Variants in MORN1 observed in about 807,000 individuals in gnomAD.
The protein encoded by MORN1 is MORN repeat-containing protein 1.
In MORN1, 67 loss-of-function variants were observed where a neutral mutation model predicts 61.9. That is an observed-to-expected ratio of 1.08 (90% CI 0.89 to 1.33). The LOEUF is 1.33. Ranked by LOEUF, MORN1 falls within the 40% of genes most tolerant of loss-of-function variation. The pLI is 0.00. For synonymous variants in MORN1, 301 were observed against 292.0 expected (o/e 1.03, Z -0.31); for missense variants, 752 against 691.2 (o/e 1.09, Z -0.99).
chr1:2,340,667 C>G (rs370637716), intron 10 of MORN1, among the ~76,000 whole-genome samples: 3 of 152,234 alleles, frequency 2.0e-5, no homozygotes, highest in Non-Finnish European at 4.4e-5. Context: ...ACCGGCTCCA[C>G]GTGGCCAGAG....
intron 7 of MORN1, among the ~76,000 whole-genome samples, chr1:2,373,226 A>C (rs934039466): frequency 6.6e-6 from 1 of 152,152 alleles, no homozygotes; most frequent in African/African-American, 2.4e-5. Flanking sequence ...CTGAGAGAAC[A>C]CCTGGGATCT....
chr1:2,346,398 T>A (rs1354902099), intron 10 of MORN1, among the ~76,000 whole-genome samples: 1 of 152,210 alleles, frequency 6.6e-6, no homozygotes, highest in African/African-American at 2.4e-5. Flanking sequence ...GTATATTTTA[T>A]TTTTTGAGAC....
At chr1:2,324,225 G>C (rs1640947896) in intron 12 of MORN1, 82 bp from the exon 13 acceptor site, 4 of 1,428,600 alleles carry the variant, frequency 2.8e-6, no homozygotes, top group Admixed American at 2.0e-5. Context: ...ACCAGGGCTA[G>C]TGGCTCCAGG....
At chr1:2,381,185 G>A (rs940135003) in intron 6 of MORN1, among the ~76,000 whole-genome samples, 2 of 152,248 alleles carry the variant, frequency 1.3e-5, no homozygotes, top group Admixed American at 6.5e-5. Context: ...CCTCTGAAGC[G>A]TGGTCTGGCA....
At chr1:2,342,141 G>A (rs1164739474) in intron 10 of MORN1, among the ~76,000 whole-genome samples, 4 of 152,282 alleles carry the variant, frequency 2.6e-5, no homozygotes, top group Non-Finnish European at 5.9e-5. Context: ...GACCTCGGGG[G>A]CCTCGGGAAC....
At position 2,336,772 on chromosome 1, in the gene MORN1, A is replaced by G. The variant is rs749413121; in HGVS notation, c.1115T>C (p.Leu372Pro). The change falls in exon 11 of 14, where the codon CTG becomes CCG. Residue 372 changes from leucine to proline, a missense_variant. Physicochemically the swap from Leu to Pro is moderately conservative, Grantham distance 98. Transcript: ENST00000378531. ...GTGGTACCCAGGCGGGGGCGGCCCC[A>G]GGAGGACATCTGTGAACTCGGCACA... ...QGCAEFTDVL[L>P]GPPPPGYHPF... 2 of 1,605,024 alleles carry G rather than the reference A, an allele frequency of 1.2e-6. No individual in the cohort carries two copies. The highest frequency in any genetic ancestry group is 4.5e-5 in the East Asian group (2 of 44,752).
intron 10 of MORN1, chr1:2,351,693 G>A (rs1450749434): frequency 2.7e-5 from 12 of 440,252 alleles, no homozygotes; most frequent in South Asian, 3.8e-5. Context: ...TGGTTGCTTC[G>A]CATTCTTTAG....
chr1:2,368,581 A>G (rs1642044337), intron 8 of MORN1, among the ~76,000 whole-genome samples: 1 of 152,062 alleles, frequency 6.6e-6, no homozygotes, highest in South Asian at 2.1e-4. Context: ...CTAGTCCTCA[A>G]TTTGGTCTTG....
At chr1:2,349,180 A>G (rs1641595726) in intron 10 of MORN1, among the ~76,000 whole-genome samples, 1 of 152,236 alleles carries the variant, frequency 6.6e-6, no homozygotes, top group Non-Finnish European at 1.5e-5. Context: ...GAATTGTTCC[A>G]GGCGGGAAGG....
chr1:2,367,908 C>T (rs59094876), intron 8 of MORN1, among the ~76,000 whole-genome samples: 12,746 of 152,144 alleles, frequency 0.084, 1,347 homozygotes, highest in African/African-American at 0.25. Context: ...GGATTACAGG[C>T]GTGAGCCACC....
At chr1:2,327,169 GAAAC>G (rs1450505989) in intron 12 of MORN1, among the ~76,000 whole-genome samples, 1 of 132,224 alleles carries the variant, frequency 7.6e-6, no homozygotes, top group Non-Finnish European at 1.6e-5. Flanking sequence ...CACACAGACA[GAAAC>G]AAACACAGAG....
At chr1:2,330,316 C>G (rs1191717950) in intron 12 of MORN1, among the ~76,000 whole-genome samples, 1 of 152,232 alleles carries the variant, frequency 6.6e-6, no homozygotes, top group South Asian at 2.1e-4. Context: ...CCATGTGTCT[C>G]CAGGCACCAG....
At chr1:2,387,213 C>T (rs575040000) in intron 4 of MORN1, 78 of 593,598 alleles carry the variant, frequency 1.3e-4, no homozygotes, top group East Asian at 6.7e-4. Flanking sequence ...CATCAAGCGC[C>T]GCAGGACCCG....
At chr1:2,387,326 C>A in intron 4 of MORN1, 93 bp downstream of exon 4, 1 of 903,474 alleles carries the variant, frequency 1.1e-6, no homozygotes, top group Non-Finnish European at 1.8e-6. Context: ...GTCAGGCAGG[C>A]CCTCTCAGAG....
chr1:2,353,270 C>A (rs531523669), intron 10 of MORN1, among the ~76,000 whole-genome samples: 4 of 152,260 alleles, frequency 2.6e-5, no homozygotes, highest in African/African-American at 9.6e-5. Context: ...TCCCTGGACA[C>A]GCTGGACAGC....
At chr1:2,391,389 G>C in intron 1 of MORN1, 69 bp downstream of exon 1, 1 of 1,246,050 alleles carries the variant, frequency 8.0e-7, no homozygotes, top group Non-Finnish European at 1.0e-6. Context: ...GGTCGAGGGC[G>C]TAGAGCGATC....
At chr1:2,385,144 C>T (rs12565955) in intron 5 of MORN1, 79 bp from the exon 6 acceptor site, 90,333 of 1,437,766 alleles carry the variant, frequency 0.063, 4,619 homozygotes, top group South Asian at 0.22. Context: ...CTCCTCCCAC[C>T]GGGCTCCGCA....
Position 2,336,812 on chromosome 1 carries a change from G to A in MORN1, c.1075C>T (p.Arg359Ter), listed in dbSNP as rs751333713. Reference protein sequence around the residue: ...HAPHCPGACQRVEQGCAEFTD... With the variant: ...HAPHCPGACQ ...AACTCGGCACAGCCCTGCTCCACTCGCTGACAGGCCCCGGGACAATGGGGC... is the reference window on the plus strand; with the variant it reads ...AACTCGGCACAGCCCTGCTCCACTCACTGACAGGCCCCGGGACAATGGGGC... Residue 359 changes from arginine to a stop codon, truncating the protein, a stop_gained, in exon 11 of 14, where the codon CGA becomes TGA. Coordinates refer to ENST00000378531, the MANE Select transcript of MORN1 (RefSeq NM_024848.3). LOFTEE classifies it high-confidence loss of function. 61 of 1,598,482 alleles carry A rather than the reference G, an allele frequency of 3.8e-5. No homozygotes were observed. The highest frequency in any genetic ancestry group is 3.5e-4 in the South Asian group (31 of 89,124).
At chr1:2,356,563 C>T (rs1264023086) in intron 10 of MORN1, among the ~76,000 whole-genome samples, 1 of 152,162 alleles carries the variant, frequency 6.6e-6, no homozygotes, top group Non-Finnish European at 1.5e-5. Context: ...ACTCAAAGTG[C>T]CAGGCATTTG....
Sources: allele counts gnomAD v4.1 joint callset (sites outside exome capture counted in the v4.1 genomes callset), GRCh38; gene constraint gnomAD v4.1.1; transcripts MANE v1.5; gene names NCBI Gene and HGNC (gene_info 2026-07-23, HGNC 2026-07-21).